The following CRPPA variants were observed in gnomAD, a reference collection of about 807,000 sequenced individuals.
CRPPA encodes CDP-L-ribitol pyrophosphorylase A.
CRPPA carries 43 observed loss-of-function variants against 52.0 expected under a neutral mutation model. That is an observed-to-expected ratio of 0.83 (90% CI 0.65 to 1.07). The LOEUF (loss-of-function observed/expected upper bound fraction) is 1.07. Ranked by LOEUF, CRPPA falls within the 50% of genes least tolerant of loss-of-function variation. The probability of loss-of-function intolerance (pLI) is 0.00; values close to 1 mark genes in which losing one functional copy is unlikely to be tolerated. For missense variants in CRPPA, 629 were observed against 551.7 expected, an observed-to-expected ratio of 1.14 and a Z score of -1.40; for synonymous variants, 250 against 203.5, an observed-to-expected ratio of 1.23 and a Z score of -1.94.
At chr7:16,176,638 C>G (rs916037297) in intron 9 of CRPPA, among the ~76,000 whole-genome samples, 2 of 152,088 alleles carry the variant, frequency 1.3e-5, no homozygotes, top group African/African-American at 4.8e-5. Context: ...GATGGGTTCT[C>G]ACTATGTTGT....
chr7:16,234,962 A>G (rs1338479680), intron 8 of CRPPA, among the ~76,000 whole-genome samples: 2 of 152,094 alleles, frequency 1.3e-5, no homozygotes, highest in African/African-American at 4.8e-5. Context: ...AGAACTATAA[A>G]TAACTTAGTA....
At chr7:16,359,413 G>A (rs985682666) in intron 3 of CRPPA, among the ~76,000 whole-genome samples, 5 of 152,180 alleles carry the variant, frequency 3.3e-5, no homozygotes, top group East Asian at 1.9e-4. Context: ...AGTTGTCATC[G>A]TTGGAAGAAT....
Position 16,091,697 on chromosome 7 carries a change from A to G in CRPPA, c.1354T>C (p.Ter452ArgextTer28), listed in dbSNP as rs186882839. ...SGLIGQLLIA* is the reference protein window; with the variant it reads ...SGLIGQLLIAR ...AAATAGGTAATTTTTTGTGTTCTTC[A>G]TGCTATCAGAAGCTGACCAATGAGT... The change falls in exon 10 of 10, where the codon TGA (stop) becomes CGA (arginine). Residue 452 changes from the stop codon to arginine, a stop_lost. Coordinates refer to ENST00000407010, the MANE Select transcript of CRPPA (RefSeq NM_001101426.4). 6.5e-7 allele frequency: 1 copy of G among 1,527,814 alleles called. No homozygotes were observed. The highest frequency in any genetic ancestry group is 8.9e-7 in the Non-Finnish European group (1 of 1,127,866). The allele number at this position is 1,527,814 out of a possible 1,614,324, so 94.6% of individuals were successfully genotyped here.
In CRPPA at chr7:16,273,061, C is replaced by A. The variant is rs186544397; in HGVS notation, c.933+5068G>T. ...ACATGTGCCATGCTGGGGTGCTGCA[C>A]CCATTAACTCGTCATTTAGCATTAG... On this transcript the variant is annotated intron_variant, in intron 6 of 9. Transcript: ENST00000407010. 1.1e-4 allele frequency among the ~76,000 whole-genome samples: 17 copies of A among 151,284 alleles called. No homozygotes were observed. The East Asian group carries it at 3.3e-3, about 30-fold the overall frequency.
At chr7:16,159,952 G>C (rs1334039881) in intron 9 of CRPPA, among the ~76,000 whole-genome samples, 1 of 152,062 alleles carries the variant, frequency 6.6e-6, no homozygotes, top group African/African-American at 2.4e-5. Context: ...TGATGAGCAC[G>C]TTTGTTGGCT....
chr7:16,410,962 C>T (rs561050079), intron 1 of CRPPA, among the ~76,000 whole-genome samples: 4 of 152,286 alleles, frequency 2.6e-5, no homozygotes, highest in African/African-American at 7.2e-5. Flanking sequence ...TGCTTATACA[C>T]GTAGAGTCCT....
intron 9 of CRPPA, among the ~76,000 whole-genome samples, chr7:16,193,750 G>A (rs1176147135): frequency 6.6e-6 from 1 of 152,024 alleles, no homozygotes; most frequent in Non-Finnish European, 1.5e-5. Context: ...ACAAATCAAA[G>A]AGACAGCACT....
intron 8 of CRPPA, among the ~76,000 whole-genome samples, chr7:16,232,539 T>C (rs752891149): frequency 3.9e-5 from 6 of 152,144 alleles, no homozygotes; most frequent in Non-Finnish European, 7.4e-5. Context: ...TAAATCACTT[T>C]TCTTTATAAA....
chr7:16,368,150 T>G, intron 3 of CRPPA, among the ~76,000 whole-genome samples: 1 of 152,340 alleles, frequency 6.6e-6, no homozygotes, highest in Non-Finnish European at 1.5e-5. Flanking sequence ...TGTATAATAA[T>G]TTATTATTTT....
At chr7:16,096,837 T>A (rs1025271019) in intron 9 of CRPPA, among the ~76,000 whole-genome samples, 1 of 152,200 alleles carries the variant, frequency 6.6e-6, no homozygotes, top group East Asian at 1.9e-4. Flanking sequence ...TAGTCCGCTT[T>A]CTTAACATAC....
At chr7:16,252,968 A>T (rs6942543) in intron 8 of CRPPA, among the ~76,000 whole-genome samples, 118,294 of 152,008 alleles carry the variant, frequency 0.78, 46,551 homozygotes, top group African/African-American at 0.9. Context: ...TATCATTTTT[A>T]ATTGCTTCTA....
At chr7:16,318,316 A>C (rs1192894271) in intron 3 of CRPPA, among the ~76,000 whole-genome samples, 2 of 151,964 alleles carry the variant, frequency 1.3e-5, no homozygotes, top group African/African-American at 4.8e-5. Flanking sequence ...TTACTATCTT[A>C]ACTTTTAGCT....
chr7:16,187,861 A>G (rs576061202), intron 9 of CRPPA, among the ~76,000 whole-genome samples: 18 of 152,236 alleles, frequency 1.2e-4, no homozygotes, highest in Admixed American at 9.8e-4. Context: ...TGTAACGAAG[A>G]GTCTAGAGAT....
At chr7:16,167,080 C>A (rs1781083072) in intron 9 of CRPPA, among the ~76,000 whole-genome samples, 1 of 152,062 alleles carries the variant, frequency 6.6e-6, no homozygotes, top group Admixed American at 6.5e-5. Flanking sequence ...AGGGGCCTGC[C>A]ACCATGCCCG....
chr7:16,095,653 G>A (rs1781921594), intron 9 of CRPPA, among the ~76,000 whole-genome samples: 3 of 152,114 alleles, frequency 2.0e-5, no homozygotes. Context: ...ATTCTCCCCA[G>A]CTGTCATGCT....
chr7:16,128,966 C>T (rs1782632244), intron 9 of CRPPA, among the ~76,000 whole-genome samples: 2 of 152,126 alleles, frequency 1.3e-5, no homozygotes, highest in South Asian at 4.1e-4. Context: ...CAGTTCTGTT[C>T]CAAACAAGAA....
chr7:16,373,984 T>G (rs1786815306), intron 3 of CRPPA, among the ~76,000 whole-genome samples: 1 of 152,162 alleles, frequency 6.6e-6, no homozygotes, highest in African/African-American at 2.4e-5. Flanking sequence ...CTGACTAACT[T>G]CATATGACAC....
intron 3 of CRPPA, among the ~76,000 whole-genome samples, chr7:16,335,851 C>T (rs1353580727): frequency 6.6e-6 from 1 of 152,074 alleles, no homozygotes; most frequent in African/African-American, 2.4e-5. Context: ...CCAAAAGAAA[C>T]AATATTCAAA....
At chr7:16,198,724 ATTTTTT>A (rs11415283) in intron 9 of CRPPA, among the ~76,000 whole-genome samples, 1 of 141,492 alleles carries the variant, frequency 7.1e-6, no homozygotes, top group Non-Finnish European at 1.5e-5. Context: ...CTTGCGCAGC[ATTTTTT>A]TTTTTTAAGA....
Sources: allele counts gnomAD v4.1 joint callset (sites outside exome capture counted in the v4.1 genomes callset), GRCh38; gene constraint gnomAD v4.1.1; transcripts MANE v1.5; gene names NCBI Gene and HGNC (gene_info 2026-07-23, HGNC 2026-07-21).